NCOA6: variants seen among roughly 807,000 people sequenced by gnomAD.
NCOA6 encodes nuclear receptor coactivator 6.
NCOA6 carries 49 observed loss-of-function variants against 171.4 expected under a neutral mutation model. The ratio of observed to expected loss-of-function variants is 0.29; its 90% CI spans 0.23 to 0.36. The LOEUF is 0.36. Among genes scored for constraint, NCOA6 ranks in the 10% least tolerant of loss-of-function variants. The pLI, the probability that NCOA6 is intolerant of heterozygous loss-of-function variation, is 1.00. For synonymous variants in NCOA6, 910 were observed against 927.5 expected, an observed-to-expected ratio of 0.98 and a Z score of 0.34; for missense variants, 2,248 against 2,554.5, an observed-to-expected ratio of 0.88 and a Z score of 2.59.
chr20:34,801,402 T>C (rs556160207), intron 1 of NCOA6, among the ~76,000 whole-genome samples: 1 of 152,158 alleles, frequency 6.6e-6, no homozygotes, highest in South Asian at 2.1e-4. Flanking sequence ...ATCAGTGAAA[T>C]GAAAAGCTGC....
At chr20:34,736,616 A>G (rs2075966572) in intron 12 of NCOA6, 74 bp downstream of exon 12, 1 of 1,253,198 alleles carries the variant, frequency 8.0e-7, no homozygotes, top group East Asian at 2.4e-5. Flanking sequence ...AGAACACACG[A>G]CATTGAGGAC....
chr20:34,715,194 A>T lies in NCOA6; in HGVS notation c.*128T>A, dbSNP rs894594651. The T allele has an allele frequency of 2.4e-5, 29 of 1,228,364 alleles. No individual in the cohort carries two copies. The highest frequency in any genetic ancestry group is 7.6e-5 in the Admixed American group (4 of 52,854). 76.1% of individuals were successfully genotyped at this position (1,228,364 alleles called of 1,614,324 possible). A position where few individuals can be genotyped will look rare whatever the true frequency, so the allele number is the denominator to read the frequency against. ...GCACTTTATGAAACAGGTTGCAGGGACTAGGAAAAGGGCCACATTATTAAA... is the reference window on the plus strand; with the variant it reads ...GCACTTTATGAAACAGGTTGCAGGGTCTAGGAAAAGGGCCACATTATTAAA... On this transcript the variant is annotated 3_prime_UTR_variant, in exon 15 of 15. Transcript: ENST00000359003.
At position 34,715,274 on chromosome 20, in the gene NCOA6, TGTAAAAGTCACACACATTTCCAA is replaced by T. The variant is rs1168649326; in HGVS notation, c.*25_*47del. 2.5e-6 allele frequency: 4 copies of T among 1,612,976 alleles called. No homozygotes were observed. Among genetic ancestry groups the T allele is most frequent in the Non-Finnish European group, 3.4e-6 (4 of 1,179,238 alleles). Reference sequence around the variant, plus strand: ...AAAGTCACAGCTCAAAATTGCTCTTTGTAAAAGTCACACACATTTCCAAGTATCAAGTCGCAGTCCTGCTTGTT... The same window carrying T: ...AAAGTCACAGCTCAAAATTGCTCTTTGTATCAAGTCGCAGTCCTGCTTGTT... On this transcript the variant is annotated 3_prime_UTR_variant, in exon 15 of 15. Coordinates refer to ENST00000359003, the MANE Select transcript of NCOA6 (RefSeq NM_014071.5).
chr20:34,740,758 T>C lies in NCOA6; in HGVS notation c.5498A>G (p.Lys1833Arg). The C allele has an allele frequency of 6.2e-7, 1 of 1,614,238 alleles. No homozygotes were observed. Among genetic ancestry groups the C allele is most frequent in the Admixed American group, 1.7e-5 (1 of 60,024 alleles). Reference sequence around the variant, plus strand: ...TTTCTCAAGAGAGCCTGTAACTTTCTTACATGCCTTGGTCAACAAAATTTG... The same window carrying C: ...TTTCTCAAGAGAGCCTGTAACTTTCCTACATGCCTTGGTCAACAAAATTTG... The part of the protein sequence containing the change: ...IGQILLTKAC[K>R]KVTGSLEKGE... The change falls in exon 11 of 15, where the codon AAG (lysine) becomes AGG (arginine). Residue 1833 changes from lysine to arginine, a missense_variant. Around this residue, in one of 7 missense-constraint regions of NCOA6, gnomAD observed 884 missense variants for 941.9 expected, o/e 0.94. Coordinates refer to ENST00000359003, the MANE Select transcript of NCOA6 (RefSeq NM_014071.5).
intron 8 of NCOA6, among the ~76,000 whole-genome samples, chr20:34,751,788 G>A (rs928288349): frequency 2.0e-5 from 3 of 152,068 alleles, no homozygotes; most frequent in Non-Finnish European, 4.4e-5. Flanking sequence ...TTATTTACTG[G>A]GTCTTTGGGA....
At position 34,754,702 on chromosome 20, in the gene NCOA6, A is replaced by G; in HGVS notation, c.1675+20T>C. The G allele has an allele frequency of 6.2e-7, 1 of 1,614,154 alleles. No homozygotes were observed. Among genetic ancestry groups the G allele is most frequent in the East Asian group, 2.2e-5 (1 of 44,886 alleles). On this transcript the variant is annotated intron_variant, in intron 8 of 14. Transcript: ENST00000359003. ...ACAATGCTCAATAAATGCTGGCTAAACAAATCACAGAAAACAAACCTGCAT... is the reference window on the plus strand; with the variant it reads ...ACAATGCTCAATAAATGCTGGCTAAGCAAATCACAGAAAACAAACCTGCAT...
At chr20:34,753,817 G>A (rs978624498) in intron 8 of NCOA6, among the ~76,000 whole-genome samples, 10 of 152,058 alleles carry the variant, frequency 6.6e-5, no homozygotes, top group Non-Finnish European at 1.5e-4. Context: ...TCAGATTTTT[G>A]TCTCATTCCT....
chr20:34,730,496 A>G (rs1350109170), intron 13 of NCOA6, among the ~76,000 whole-genome samples: 1 of 152,156 alleles, frequency 6.6e-6, no homozygotes. Context: ...CAAACACCCC[A>G]AATGTATTTT....
Position 34,743,080 on chromosome 20 carries a change from C to T in NCOA6, c.3176G>A (p.Gly1059Asp), listed in dbSNP as rs755002653. The change falls in exon 11 of 15, where the codon GGC becomes GAC. Residue 1059 changes from glycine to aspartate, a missense_variant. Physicochemically the swap from Gly to Asp is moderately conservative, Grantham distance 94. Coordinates refer to ENST00000359003, the MANE Select transcript of NCOA6 (RefSeq NM_014071.5). The stretch of plus-strand genomic sequence containing the variant: ...TCTCTGGGAGTCGGGGTTCAGGGGG[C>T]CCCTTGGAGGATGGACATTTTGAGA... The part of the protein sequence containing the change: ...PVSQNVHPPR[G>D]PLNPDSQRMP... 4 of 1,613,270 alleles carry T rather than the reference C, an allele frequency of 2.5e-6. No homozygotes were observed. Among genetic ancestry groups the T allele is most frequent in the Admixed American group, 1.7e-5 (1 of 59,998 alleles).
At chr20:34,736,833 G>A (rs2075974494) in intron 11 of NCOA6, 75 bp from the exon 12 acceptor site, 16 of 1,304,466 alleles carry the variant, frequency 1.2e-5, no homozygotes, top group Non-Finnish European at 1.4e-5. Context: ...ACCTAATCAA[G>A]GGCTAAGTAA....
chr20:34,807,051 C>T (rs1432981025), intron 1 of NCOA6, among the ~76,000 whole-genome samples: 1 of 152,198 alleles, frequency 6.6e-6, no homozygotes, highest in Non-Finnish European at 1.5e-5. Context: ...TTGCTTCTAA[C>T]TAACGGACTA....
At chr20:34,769,797 G>A (rs181217539) in intron 4 of NCOA6, among the ~76,000 whole-genome samples, 7 of 152,266 alleles carry the variant, frequency 4.6e-5, no homozygotes, top group Admixed American at 6.5e-5. Flanking sequence ...TGATAAAAAC[G>A]TCTCTGAAAC....
chr20:34,823,028 G>A (rs1000017610), intron 1 of NCOA6, among the ~76,000 whole-genome samples: 13 of 151,882 alleles, frequency 8.6e-5, no homozygotes, highest in Admixed American at 7.9e-4. Flanking sequence ...TATAATTATC[G>A]GATCCATCAC....
intron 3 of NCOA6, among the ~76,000 whole-genome samples, chr20:34,781,241 C>G (rs1315700396): frequency 6.6e-6 from 1 of 152,132 alleles, no homozygotes; most frequent in African/African-American, 2.4e-5. Context: ...ATAAAACCCC[C>G]AAGCCTTAAA....
chr20:34,819,749 A>G (rs777044121), intron 1 of NCOA6: 2 of 152,232 alleles, frequency 1.3e-5, no homozygotes, highest in Non-Finnish European at 2.9e-5. Flanking sequence ...TTTATTGAGC[A>G]TGTTCTAGGT....
Position 34,792,518 on chromosome 20 carries a change from T to TAAA in NCOA6, c.-119_-118insTTT. On this transcript the variant is annotated 5_prime_UTR_variant, in exon 2 of 15. Transcript: ENST00000359003. ...CTAAGTCCAAAGAAGCTGGCATTTTTAGGGCTTGGATTTCAAGGTAGCAGC... is the reference window on the plus strand; with the variant it reads ...CTAAGTCCAAAGAAGCTGGCATTTTTAAAAGGGCTTGGATTTCAAGGTAGCAGC... The TAAA allele has an allele frequency of 2.5e-6, 1 of 398,796 alleles. No homozygotes were observed. The highest frequency in any genetic ancestry group is 4.4e-6 in the Non-Finnish European group (1 of 226,000). The allele number at this position is 398,796 out of a possible 1,614,324, so 24.7% of individuals were successfully genotyped here. A position where few individuals can be genotyped will look rare whatever the true frequency, so the allele number is the denominator to read the frequency against.
intron 5 of NCOA6, among the ~76,000 whole-genome samples, chr20:34,761,769 C>T (rs960110913): frequency 1.3e-5 from 2 of 152,044 alleles, no homozygotes; most frequent in African/African-American, 4.8e-5. Flanking sequence ...GATTCTCCTG[C>T]CTCAGCCTCC....
At position 34,758,948 on chromosome 20, in the gene NCOA6, C is replaced by A. The variant is rs922401759; in HGVS notation, c.515-15G>T. 1.2e-6 allele frequency: 2 copies of A among 1,612,680 alleles called. No homozygotes were observed. Among genetic ancestry groups the A allele is most frequent in the African/African-American group, 2.7e-5 (2 of 74,812 alleles). On this transcript the variant is annotated splice_polypyrimidine_tract_variant and intron_variant, in intron 5 of 14. Transcript: ENST00000359003. Reference sequence around the variant, plus strand: ...CCTTATTATTCCTAGAAAAAAGATCCCTAAAATAGAGTACTGGAATTGGCA... The same window carrying A: ...CCTTATTATTCCTAGAAAAAAGATCACTAAAATAGAGTACTGGAATTGGCA...
At chr20:34,779,387 G>A (rs972129176) in intron 3 of NCOA6, among the ~76,000 whole-genome samples, 3 of 152,080 alleles carry the variant, frequency 2.0e-5, no homozygotes, top group Non-Finnish European at 2.9e-5. Context: ...AGTGGCGTGC[G>A]CCTGTAGTCC....
Sources: allele counts gnomAD v4.1 joint callset (sites outside exome capture counted in the v4.1 genomes callset), GRCh38; gene constraint gnomAD v4.1.1; regional missense constraint gnomAD v4.1.1; transcripts MANE v1.5; gene names NCBI Gene and HGNC (gene_info 2026-07-23, HGNC 2026-07-21).